BTBD9: variants seen among roughly 807,000 people sequenced by gnomAD.
BTBD9 encodes BTB domain containing 9.
A neutral mutation model predicts 64.3 loss-of-function variants in BTBD9; 49 were observed. That is an observed-to-expected ratio of 0.76 (90% CI 0.61 to 0.97). The LOEUF is 0.97. BTBD9 is among the 50% of genes least tolerant of loss of function. BTBD9 has a pLI of 0.00. For synonymous variants in BTBD9, 260 were observed against 274.7 expected, an observed-to-expected ratio of 0.95 and a Z score of 0.53; for missense variants, 598 against 762.1, an observed-to-expected ratio of 0.78 and a Z score of 2.53.
chr6:38,303,874 T>TATATACAC (rs368257334), intron 7 of BTBD9, among the ~76,000 whole-genome samples: 376 of 82,560 alleles, frequency 4.6e-3, no homozygotes, highest in African/African-American at 0.011. Flanking sequence ...TATATATATA[T>TATATACAC]ACACACACAC....
At chr6:38,456,806 C>T (rs930239018) in intron 6 of BTBD9, among the ~76,000 whole-genome samples, 1 of 152,138 alleles carries the variant, frequency 6.6e-6, no homozygotes, top group East Asian at 1.9e-4. Context: ...CCAAACTAGT[C>T]TTTTTTACTT....
At chr6:38,189,821 A>C (rs1283428470) in intron 10 of BTBD9, among the ~76,000 whole-genome samples, 1 of 151,894 alleles carries the variant, frequency 6.6e-6, no homozygotes, top group Non-Finnish European at 1.5e-5. Flanking sequence ...TTACAGGCAC[A>C]TACCACCATG....
At chr6:38,364,757 G>C (rs1002359883) in intron 6 of BTBD9, among the ~76,000 whole-genome samples, 1 of 152,126 alleles carries the variant, frequency 6.6e-6, no homozygotes, top group Non-Finnish European at 1.5e-5. Flanking sequence ...TTACTTTTTA[G>C]TGTGTCTAAC....
In BTBD9 at chr6:38,460,451, T is replaced by TA. The variant is rs372750112; in HGVS notation, c.1155-115359_1155-115358insT. On this transcript the variant is annotated intron_variant, in intron 6 of 10. Coordinates refer to ENST00000481247, the MANE Select transcript of BTBD9 (RefSeq NM_001099272.2). ...CCGCAGTTGCGTATTTATTTCCCCT[T>TA]CCAAGAGAAAAAAGAATTTACTGGT... is the stretch of plus-strand genomic sequence containing the variant. Among the ~76,000 whole-genome samples, 802 of 152,222 alleles carry TA rather than the reference T, an allele frequency of 5.3e-3. 6 individuals carry two copies. The highest frequency in any genetic ancestry group is 0.015 in the African/African-American group (635 of 41,542).
chr6:38,587,647 C>A, intron 4 of BTBD9: 1 of 602,990 alleles, frequency 1.7e-6, no homozygotes, highest in South Asian at 1.6e-5. Flanking sequence ...ATATCTCTGT[C>A]GAGAACTGAC....
rs1766812199 is a variant in BTBD9 at position 38,171,996 on chromosome 6, G to A, written c.*2989C>T. 1 of 151,826 alleles carries A rather than the reference G, an allele frequency of 6.6e-6. No individual in the cohort carries two copies. The highest frequency in any genetic ancestry group is 1.5e-5 in the Non-Finnish European group (1 of 68,028). 9.4% of individuals were successfully genotyped at this position (151,826 alleles called of 1,614,324 possible). On this transcript the variant is annotated 3_prime_UTR_variant, in exon 11 of 11. Coordinates refer to ENST00000481247, the MANE Select transcript of BTBD9 (RefSeq NM_001099272.2). Reference sequence around the variant, plus strand: ...ATGGCGCCCTTGTGTCCTTTCCATTGGTTACTGAGGACCATTGCCCTCATG... The same window carrying A: ...ATGGCGCCCTTGTGTCCTTTCCATTAGTTACTGAGGACCATTGCCCTCATG...
chr6:38,532,607 T>A (rs148177613), intron 6 of BTBD9, among the ~76,000 whole-genome samples: 1 of 152,022 alleles, frequency 6.6e-6, no homozygotes, highest in Non-Finnish European at 1.5e-5. Context: ...CACAGTAGGA[T>A]AGGGACCAGT....
At chr6:38,614,947 C>A (rs1002050856) in intron 1 of BTBD9, among the ~76,000 whole-genome samples, 1 of 152,206 alleles carries the variant, frequency 6.6e-6, no homozygotes, top group Non-Finnish European at 1.5e-5. Flanking sequence ...CTATTTAAAA[C>A]CCTTCAGTGG....
chr6:38,312,972 T>G (rs184851449), intron 7 of BTBD9, among the ~76,000 whole-genome samples: 6 of 152,226 alleles, frequency 3.9e-5, no homozygotes, highest in Non-Finnish European at 8.8e-5. Context: ...AGGGATTGAA[T>G]TGAATGTGTA....
At chr6:38,544,804 G>A (rs1182224940) in intron 6 of BTBD9, among the ~76,000 whole-genome samples, 2 of 151,816 alleles carry the variant, frequency 1.3e-5, no homozygotes, top group Non-Finnish European at 2.9e-5. Flanking sequence ...GTGGGCACCT[G>A]TAATCCCAGC....
At chr6:38,339,415 C>T (rs1351184972) in intron 7 of BTBD9, among the ~76,000 whole-genome samples, 2 of 151,858 alleles carry the variant, frequency 1.3e-5, no homozygotes, top group Non-Finnish European at 2.9e-5. Flanking sequence ...CAAGAGGATG[C>T]CTAGAGCCCA....
chr6:38,185,418 C>T (rs1761773085), intron 10 of BTBD9, among the ~76,000 whole-genome samples: 1 of 152,138 alleles, frequency 6.6e-6, no homozygotes, highest in Admixed American at 6.5e-5. Flanking sequence ...AGTTCTGGGC[C>T]AGGGTGCAGC....
At chr6:38,285,713 G>T (rs1168651719) in intron 8 of BTBD9, among the ~76,000 whole-genome samples, 1 of 152,148 alleles carries the variant, frequency 6.6e-6, no homozygotes, top group Non-Finnish European at 1.5e-5. Flanking sequence ...GTCAAAGAGA[G>T]TATCTAGTCA....
chr6:38,484,733 A>G (rs567436412), intron 6 of BTBD9, among the ~76,000 whole-genome samples: 1 of 152,346 alleles, frequency 6.6e-6, no homozygotes, highest in East Asian at 1.9e-4. Flanking sequence ...TGTCCAAAAA[A>G]AGTACAGATT....
intron 9 of BTBD9, among the ~76,000 whole-genome samples, chr6:38,193,206 G>A (rs1037411250): frequency 1.3e-5 from 2 of 152,194 alleles, no homozygotes; most frequent in African/African-American, 4.8e-5. Context: ...ATGCGCATCT[G>A]AGCGGGAGCA....
intron 6 of BTBD9, among the ~76,000 whole-genome samples, chr6:38,574,247 G>A (rs931388321): frequency 6.6e-6 from 1 of 152,128 alleles, no homozygotes; most frequent in Admixed American, 6.5e-5. Context: ...AGATAACATC[G>A]ACTATCTTGG....
chr6:38,195,472 G>A (rs1762246442), intron 9 of BTBD9, among the ~76,000 whole-genome samples: 1 of 152,120 alleles, frequency 6.6e-6, no homozygotes, highest in South Asian at 2.1e-4. Flanking sequence ...GTTTGAACAG[G>A]AGCAGTGAAT....
chr6:38,627,428 A>G (rs917293442), intron 1 of BTBD9, among the ~76,000 whole-genome samples: 24 of 152,216 alleles, frequency 1.6e-4, no homozygotes, highest in Non-Finnish European at 1.2e-4. Context: ...GCTTAAGAAT[A>G]AACATTAGAA....
intron 6 of BTBD9, among the ~76,000 whole-genome samples, chr6:38,420,721 T>TG (rs1767864316): frequency 6.6e-6 from 1 of 151,986 alleles, no homozygotes. Flanking sequence ...CTGGGCATGG[T>TG]GGCACACACC....
Sources: allele counts gnomAD v4.1 joint callset (sites outside exome capture counted in the v4.1 genomes callset), GRCh38; gene constraint gnomAD v4.1.1; transcripts MANE v1.5; gene names NCBI Gene and HGNC (gene_info 2026-07-23, HGNC 2026-07-21).